The following NOL4 variants were observed in gnomAD, a reference collection of about 807,000 sequenced individuals.
NOL4 encodes nucleolar protein 4.
A neutral mutation model predicts 75.9 loss-of-function variants in NOL4; 17 were observed. The ratio of observed to expected loss-of-function variants is 0.22; its 90% CI spans 0.15 to 0.34. The LOEUF (loss-of-function observed/expected upper bound fraction) is 0.34, where lower values mean the gene tolerates loss of function less well. NOL4 is among the 10% of genes least tolerant of loss of function. NOL4 has a pLI of 1.00. For synonymous variants in NOL4, 292 were observed against 289.9 expected, an observed-to-expected ratio of 1.01 and a Z score of -0.07; for missense variants, 614 against 793.5, an observed-to-expected ratio of 0.77 and a Z score of 2.72.
chr18:34,045,321 G>A (rs2076317593), intron 5 of NOL4, among the ~76,000 whole-genome samples: 1 of 152,066 alleles, frequency 6.6e-6, no homozygotes, highest in South Asian at 2.1e-4. Context: ...AATTTCTAGT[G>A]TTTCTATACT....
intron 9 of NOL4, among the ~76,000 whole-genome samples, chr18:33,891,643 A>G (rs2065102528): frequency 6.6e-6 from 1 of 152,196 alleles, no homozygotes. Context: ...TATTTGGAAA[A>G]TAACAATGAA....
intron 3 of NOL4, 55 bp downstream of exon 3, chr18:34,104,994 A>C: frequency 2.9e-6 from 3 of 1,043,558 alleles, no homozygotes; most frequent in Non-Finnish European, 4.5e-6. Context: ...GTGAGATACA[A>C]ATGGCCATTA....
At chr18:34,009,211 A>T (rs2074234908) in intron 6 of NOL4, among the ~76,000 whole-genome samples, 1 of 151,952 alleles carries the variant, frequency 6.6e-6, no homozygotes. Context: ...AGTGCATGTT[A>T]CTCACAGAAA....
Position 33,962,061 on chromosome 18 carries a change from A to G in NOL4, c.1057-3643T>C, listed in dbSNP as rs944768052. ...GGTACCAACCTTCTCTATGCTAAGC[A>G]TGCATCTTTGCCTCTACGTGAGATG... is the stretch of plus-strand genomic sequence containing the variant. On this transcript the variant is annotated intron_variant, in intron 6 of 10. Transcript: ENST00000261592. 2.6e-5 allele frequency among the ~76,000 whole-genome samples: 4 copies of G among 152,094 alleles called. No homozygotes were observed. In the East Asian group the frequency reaches 7.7e-4, roughly 29 times the overall value.
rs192786498 is a variant in NOL4, at chr18:33,852,815, C to T, written c.*27G>A. The T allele has an allele frequency of 1.0e-3, 1,603 of 1,590,336 alleles. 3 individuals carry two copies. Among genetic ancestry groups the T allele is most frequent in the Non-Finnish European group, 1.3e-3 (1,541 of 1,166,450 alleles). ...CATTAGTGGAAACTGCAAATTTAGACCTCAGTGAATATGGTGGTCGTCTGT... is the reference window on the plus strand; with the variant it reads ...CATTAGTGGAAACTGCAAATTTAGATCTCAGTGAATATGGTGGTCGTCTGT... On this transcript the variant is annotated 3_prime_UTR_variant, in exon 11 of 11. Coordinates refer to ENST00000261592, the MANE Select transcript of NOL4 (RefSeq NM_003787.5).
intron 6 of NOL4, among the ~76,000 whole-genome samples, chr18:34,008,311 T>A (rs1049786984): frequency 2.6e-5 from 4 of 151,896 alleles, no homozygotes; most frequent in Non-Finnish European, 5.9e-5. Flanking sequence ...ATCATTGAAT[T>A]TCTTAGCCTC....
intron 1 of NOL4, among the ~76,000 whole-genome samples, chr18:34,187,123 A>T (rs2034521133): frequency 6.6e-6 from 1 of 152,074 alleles, no homozygotes. Context: ...ACATGTATCC[A>T]CCATTGTAAT....
intron 6 of NOL4, among the ~76,000 whole-genome samples, chr18:33,968,623 G>C (rs564498365): frequency 2.6e-5 from 4 of 152,282 alleles, no homozygotes; most frequent in East Asian, 3.9e-4. Context: ...GACTACTAGA[G>C]AGAGGAGGAA....
chr18:34,103,983 A>G (rs1274883876), intron 4 of NOL4, 64 bp downstream of exon 4: 1 of 1,035,694 alleles, frequency 9.7e-7, no homozygotes, highest in Non-Finnish European at 1.5e-6. Flanking sequence ...TTAATATGAT[A>G]GTCATGGTTA....
chr18:34,165,206 A>G lies in NOL4; in HGVS notation c.265-35186T>C, dbSNP rs189534498. ...GTATACATATGTAACTAACCTGCAC[A>G]TTGTGCACATGTACCCTAAAACTTA... On this transcript the variant is annotated intron_variant, in intron 1 of 10. Transcript: ENST00000261592. Among the ~76,000 whole-genome samples, 1,348 of 151,644 alleles carry G rather than the reference A, an allele frequency of 8.9e-3. 19 individuals carry two copies. Among genetic ancestry groups the G allele is most frequent in the African/African-American group, 0.03 (1,253 of 41,368 alleles).
intron 8 of NOL4, among the ~76,000 whole-genome samples, chr18:33,949,747 T>C (rs1467403811): frequency 6.6e-6 from 1 of 152,144 alleles, no homozygotes; most frequent in Non-Finnish European, 1.5e-5. Flanking sequence ...TAGAAATATT[T>C]CATTTATGAA....
At chr18:33,996,585 T>G (rs1225036368) in intron 6 of NOL4, among the ~76,000 whole-genome samples, 1 of 151,840 alleles carries the variant, frequency 6.6e-6, no homozygotes, top group African/African-American at 2.4e-5. Context: ...CCATCTGGTA[T>G]TTCCCAGGAT....
intron 6 of NOL4, among the ~76,000 whole-genome samples, chr18:33,999,161 T>A (rs75014016): frequency 6.6e-6 from 1 of 151,072 alleles, no homozygotes; most frequent in Non-Finnish European, 1.5e-5. Context: ...TTTTTTTTTT[T>A]AGACAGTCTG....
intron 4 of NOL4, among the ~76,000 whole-genome samples, chr18:34,098,716 C>CAAATA (rs574580990): frequency 5.5e-4 from 83 of 152,216 alleles, no homozygotes; most frequent in African/African-American, 2.0e-3. Context: ...CTTAAAAAAA[C>CAAATA]AAATAGTTAA....
intron 1 of NOL4, among the ~76,000 whole-genome samples, chr18:34,131,571 C>A (rs1343901527): frequency 6.6e-6 from 1 of 152,068 alleles, no homozygotes; most frequent in Non-Finnish European, 1.5e-5. Context: ...TTTGTACAGT[C>A]TCCAGCAAAG....
intron 9 of NOL4, among the ~76,000 whole-genome samples, chr18:33,889,079 C>T (rs2064941650): frequency 6.6e-6 from 1 of 151,820 alleles, no homozygotes; most frequent in African/African-American, 2.4e-5. Flanking sequence ...ATCAAACCAG[C>T]AGCTGGTTTT....
At chr18:34,130,370 T>C (rs1263608007) in intron 1 of NOL4, among the ~76,000 whole-genome samples, 1 of 152,060 alleles carries the variant, frequency 6.6e-6, no homozygotes, top group Non-Finnish European at 1.5e-5. Flanking sequence ...TTGTAATAAT[T>C]AAATTCTAGA....
chr18:34,051,639 G>A (rs1046423525), intron 5 of NOL4, among the ~76,000 whole-genome samples: 4 of 152,060 alleles, frequency 2.6e-5, no homozygotes, highest in African/African-American at 9.7e-5. Flanking sequence ...CCTGTCTTCA[G>A]TGAGTTCACA....
intron 10 of NOL4, among the ~76,000 whole-genome samples, chr18:33,871,439 T>G (rs1011541410): frequency 6.6e-6 from 1 of 152,032 alleles, no homozygotes; most frequent in African/African-American, 2.4e-5. Context: ...CAGGACATTC[T>G]GAGATCCCCA....
Sources: allele counts gnomAD v4.1 joint callset (sites outside exome capture counted in the v4.1 genomes callset), GRCh38; gene constraint gnomAD v4.1.1; transcripts MANE v1.5; gene names NCBI Gene and HGNC (gene_info 2026-07-23, HGNC 2026-07-21).